The following PCDHA13 variants were observed in gnomAD, a reference collection of about 807,000 sequenced individuals.
PCDHA13 encodes protocadherin alpha-13.
PCDHA13 carries 54 observed loss-of-function variants against 64.8 expected under a neutral mutation model. The observed-to-expected ratio is 0.83, with a 90% CI of 0.67 to 1.04. The LOEUF is 1.04. Ranked by LOEUF, PCDHA13 falls within the 50% of genes least tolerant of loss-of-function variation. The pLI is 0.00. For synonymous variants in PCDHA13, 587 were observed against 564.4 expected, an observed-to-expected ratio of 1.04 and a Z score of -0.57; for missense variants, 1,248 against 1,254.3, an observed-to-expected ratio of 0.99 and a Z score of 0.08.
intron 1 of PCDHA13, among the ~76,000 whole-genome samples, chr5:140,891,735 A>G (rs1200695234): frequency 2.6e-5 from 4 of 152,172 alleles, no homozygotes; most frequent in African/African-American, 9.7e-5. Context: ...TGAAAATTCA[A>G]TCCCTTATAC....
rs868991744 is a variant in PCDHA13, at chr5:140,897,794, G to C, written c.2394+13132G>C. ...CTTCCACAATGGTTGAACTAGTTTA[G>C]AGTCCCACCAACAGTGTAAAAGTGT... On this transcript the variant is annotated intron_variant, in intron 1 of 3. Coordinates refer to ENST00000289272, the MANE Select transcript of PCDHA13 (RefSeq NM_018904.3). 7.2e-4 allele frequency among the ~76,000 whole-genome samples: 109 copies of C among 152,066 alleles called. No homozygotes were observed. The South Asian group carries it at 0.011, about 15-fold the overall frequency.
intron 3 of PCDHA13, among the ~76,000 whole-genome samples, chr5:140,987,510 C>A (rs1225122300): frequency 6.6e-6 from 1 of 152,184 alleles, no homozygotes; most frequent in Non-Finnish European, 1.5e-5. Flanking sequence ...ACCTCTGCCA[C>A]TCAGTAATTG....
intron 1 of PCDHA13, among the ~76,000 whole-genome samples, chr5:140,893,651 A>G (rs1422431076): frequency 6.6e-6 from 1 of 152,106 alleles, no homozygotes; most frequent in Non-Finnish European, 1.5e-5. Context: ...TTTGGCTGAT[A>G]GTTTTAAAAA....
intron 1 of PCDHA13, among the ~76,000 whole-genome samples, chr5:140,925,108 G>GGAAGGAAGGAA (rs1554202548): frequency 1.6e-5 from 2 of 124,702 alleles, no homozygotes; most frequent in African/African-American, 3.3e-5. Flanking sequence ...GAAGGAAGGA[G>GGAAGGAAGGAA]GGAAGGAAGG....
At chr5:140,900,626 T>C (rs958637463) in intron 1 of PCDHA13, among the ~76,000 whole-genome samples, 6 of 152,230 alleles carry the variant, frequency 3.9e-5, no homozygotes, top group Non-Finnish European at 7.3e-5. Flanking sequence ...TGCTTCCAAA[T>C]CTTGGCTATT....
chr5:140,983,146 G>T (rs894953025), intron 3 of PCDHA13, among the ~76,000 whole-genome samples: 3 of 152,140 alleles, frequency 2.0e-5, no homozygotes, highest in Non-Finnish European at 4.4e-5. Flanking sequence ...TAGTGCCTTG[G>T]CATGCATGTT....
At chr5:140,914,065 C>CTCCA (rs2076587155) in intron 1 of PCDHA13, among the ~76,000 whole-genome samples, 1 of 152,106 alleles carries the variant, frequency 6.6e-6, no homozygotes. Flanking sequence ...GGATGAAATG[C>CTCCA]TCCATAACTA....
chr5:140,926,919 A>G, intron 1 of PCDHA13: 9 of 1,566,668 alleles, frequency 5.7e-6, no homozygotes, highest in Non-Finnish European at 7.8e-6. Flanking sequence ...TGGCAGTTTT[A>G]TGTTTGTGGG....
intron 1 of PCDHA13, among the ~76,000 whole-genome samples, chr5:140,973,759 C>G (rs1050304490): frequency 2.0e-5 from 3 of 152,250 alleles, no homozygotes; most frequent in Non-Finnish European, 4.4e-5. Flanking sequence ...TGCAGGGACA[C>G]AGCCTGGCAT....
At chr5:140,984,192 A>G (rs1233193080) in intron 3 of PCDHA13, among the ~76,000 whole-genome samples, 31 of 152,144 alleles carry the variant, frequency 2.0e-4, no homozygotes, top group Admixed American at 2.0e-3. Context: ...ATGACTTTCT[A>G]CCTTGCCTTT....
At chr5:140,997,978 C>T (rs1205743045) in intron 3 of PCDHA13, among the ~76,000 whole-genome samples, 2 of 152,182 alleles carry the variant, frequency 1.3e-5, no homozygotes, top group African/African-American at 2.4e-5. Context: ...TTGGACTGCA[C>T]TTGTTACATA....
chr5:140,937,795 C>T (rs1472022589), intron 1 of PCDHA13, among the ~76,000 whole-genome samples: 1 of 151,670 alleles, frequency 6.6e-6, no homozygotes, highest in Non-Finnish European at 1.5e-5. Context: ...GTATGTAGTC[C>T]CAGCTACTCG....
intron 1 of PCDHA13, chr5:140,967,077 G>A (rs1483899506): frequency 1.9e-6 from 3 of 1,613,140 alleles, no homozygotes; most frequent in South Asian, 1.1e-5. Context: ...GTCAACGAGC[G>A]CATTGATCGG....
intron 1 of PCDHA13, among the ~76,000 whole-genome samples, chr5:140,963,057 A>G (rs1004095673): frequency 1.3e-5 from 2 of 152,186 alleles, no homozygotes; most frequent in African/African-American, 4.8e-5. Context: ...AAGGGTTTCT[A>G]CATTGTGAAG....
chr5:141,001,936 C>A (rs1440677153), intron 3 of PCDHA13, among the ~76,000 whole-genome samples: 3 of 151,788 alleles, frequency 2.0e-5, no homozygotes, highest in Non-Finnish European at 2.9e-5. Context: ...GGGTGGTGAG[C>A]GGAAATAAGG....
At chr5:140,948,793 A>AT (rs1351130459) in intron 1 of PCDHA13, among the ~76,000 whole-genome samples, 1 of 150,328 alleles carries the variant, frequency 6.7e-6, no homozygotes, top group Non-Finnish European at 1.5e-5. Flanking sequence ...TTGTTGATAT[A>AT]TTTTCTATTG....
intron 3 of PCDHA13, 167 bp from the exon 4 acceptor site, chr5:141,009,456 CAAAT>C (rs2098408902): frequency 8.4e-6 from 8 of 947,642 alleles, no homozygotes; most frequent in African/African-American, 3.5e-5. Context: ...AAAAATTAAA[CAAAT>C]AAATAAATAA....
Position 140,884,122 on chromosome 5 carries a change from G to A in PCDHA13, c.1854G>A (p.Ala618=), listed in dbSNP as rs1212118784. Residue 618 remains alanine (A), a synonymous_variant, in exon 1 of 4, where the codon GCG becomes GCA. Coordinates refer to ENST00000289272, the MANE Select transcript of PCDHA13 (RefSeq NM_018904.3). ...SYELQLAAVG[A]RIPFRVGLYT... ...AATTGCAGCTGGCGGCGGTCGGCGC[G>A]CGCATCCCGTTCCGCGTGGGGCTGT... The A allele has an allele frequency of 6.2e-7, 1 of 1,613,306 alleles. No individual in the cohort carries two copies. The highest frequency in any genetic ancestry group is 2.2e-5 in the East Asian group (1 of 44,866).
chr5:140,911,485 A>G (rs1387982810), intron 1 of PCDHA13, among the ~76,000 whole-genome samples: 1 of 152,152 alleles, frequency 6.6e-6, no homozygotes, highest in East Asian at 1.9e-4. Context: ...ACTCAGGGCA[A>G]TCTTAGCAGG....
Sources: allele counts gnomAD v4.1 joint callset (sites outside exome capture counted in the v4.1 genomes callset), GRCh38; gene constraint gnomAD v4.1.1; transcripts MANE v1.5; gene names NCBI Gene and HGNC (gene_info 2026-07-23, HGNC 2026-07-21).